Variants in AMOTL1 observed in about 807,000 individuals in gnomAD.
AMOTL1 encodes angiomotin-like protein 1.
A neutral mutation model predicts 102.9 loss-of-function variants in AMOTL1; 45 were observed. That is an observed-to-expected ratio of 0.44 (90% confidence interval 0.34 to 0.56). AMOTL1 has a LOEUF of 0.56. AMOTL1 is among the 20% of genes least tolerant of loss of function. The probability of loss-of-function intolerance (pLI) is 0.01; values close to 1 mark genes in which losing one functional copy is unlikely to be tolerated. For synonymous variants in AMOTL1, 481 were observed against 484.7 expected, an observed-to-expected ratio of 0.99 and a Z score of 0.10; for missense variants, 1,114 against 1,225.6, an observed-to-expected ratio of 0.91 and a Z score of 1.36.
chr11:94,763,201 T>G (rs1379641866), intron 3 of AMOTL1, among the ~76,000 whole-genome samples: 1 of 152,144 alleles, frequency 6.6e-6, no homozygotes, highest in Non-Finnish European at 1.5e-5. Context: ...CCCTCCACAT[T>G]GTCCTCCTTT....
chr11:94,859,050 A>G (rs930674664), intron 8 of AMOTL1, among the ~76,000 whole-genome samples: 2 of 152,166 alleles, frequency 1.3e-5, no homozygotes, highest in African/African-American at 2.4e-5. Flanking sequence ...GGCATCTCCC[A>G]CTTCCTTTGC....
chr11:94,862,805 A>G (rs1183252415), intron 9 of AMOTL1, among the ~76,000 whole-genome samples: 2 of 152,230 alleles, frequency 1.3e-5, no homozygotes, highest in Non-Finnish European at 2.9e-5. Flanking sequence ...TTTGTGCACC[A>G]TAGTGTGAAT....
intron 9 of AMOTL1, among the ~76,000 whole-genome samples, chr11:94,861,963 G>A (rs1952782995): frequency 6.6e-6 from 1 of 152,138 alleles, no homozygotes; most frequent in South Asian, 2.1e-4. Flanking sequence ...AGGATTCTAG[G>A]CCCAGCCTTG....
intron 8 of AMOTL1, among the ~76,000 whole-genome samples, chr11:94,856,267 C>A (rs994157844): frequency 2.7e-5 from 4 of 150,936 alleles, no homozygotes; most frequent in Non-Finnish European, 5.9e-5. Flanking sequence ...ATTTTTTTTT[C>A]CTGTAATATT....
intron 4 of AMOTL1, among the ~76,000 whole-genome samples, chr11:94,823,528 C>T (rs1309820934): frequency 1.3e-5 from 2 of 152,076 alleles, no homozygotes; most frequent in Non-Finnish European, 2.9e-5. Context: ...CTCAGCACTT[C>T]TTGGGAAACA....
chr11:94,804,934 A>T (rs557274929), intron 3 of AMOTL1, among the ~76,000 whole-genome samples: 1 of 152,320 alleles, frequency 6.6e-6, no homozygotes, highest in South Asian at 2.1e-4. Context: ...CTTAATCTTT[A>T]CAACTCTAAA....
Position 94,821,764 on chromosome 11 carries a change from C to G in AMOTL1, c.1356C>G (p.Asn452Lys). 1 of 1,614,024 alleles carries G rather than the reference C, an allele frequency of 6.2e-7. No individual in the cohort carries two copies. The highest frequency in any genetic ancestry group is 1.1e-5 in the South Asian group (1 of 91,082). Reference sequence around the variant, plus strand: ...TGGTGGAGATATTAACAGAGGAGAACCGGGTGCTTCACCAGGAACTTCAGG... The same window carrying G: ...TGGTGGAGATATTAACAGAGGAGAAGCGGGTGCTTCACCAGGAACTTCAGG... ...QQMVEILTEENRVLHQELQGY... is the reference protein window; with the variant it reads ...QQMVEILTEEKRVLHQELQGY... Residue 452 changes from asparagine to lysine, a missense_variant, in exon 4 of 13, where the codon AAC (asparagine) becomes AAG (lysine). Transcript: ENST00000433060.
intron 4 of AMOTL1, among the ~76,000 whole-genome samples, chr11:94,828,025 T>C (rs912194949): frequency 6.6e-6 from 1 of 152,138 alleles, no homozygotes; most frequent in African/African-American, 2.4e-5. Flanking sequence ...ACCCAGCCAC[T>C]CTCCTGGCTT....
intron 3 of AMOTL1, among the ~76,000 whole-genome samples, chr11:94,744,609 G>C (rs185988593): frequency 2.0e-5 from 3 of 152,142 alleles, no homozygotes; most frequent in Non-Finnish European, 4.4e-5. Flanking sequence ...AGAATAGGTC[G>C]GTGGGCTGGA....
rs561187927 is a variant in AMOTL1 at position 94,719,329 on chromosome 11, C to T, written c.-50-9592C>T. 1.2e-4 allele frequency among the ~76,000 whole-genome samples: 18 copies of T among 151,890 alleles called. No homozygotes were observed. The South Asian group carries it at 3.3e-3, about 28-fold the overall frequency. The stretch of plus-strand genomic sequence containing the variant: ...AAACCCCGACACTGTTTTCCTTTAT[C>T]GAAAATGTCTAGGCTAGGGTAGGGT... On this transcript the variant is annotated intron_variant, in intron 1 of 4. Coordinates refer to the AMOTL1 transcript ENST00000299004.
intron 6 of AMOTL1, among the ~76,000 whole-genome samples, chr11:94,849,309 T>A (rs2135707351): frequency 6.6e-6 from 1 of 152,346 alleles, no homozygotes; most frequent in Admixed American, 6.5e-5. Context: ...ATAGTCTTAT[T>A]TTTAAAAAAC....
intron 1 of AMOTL1, among the ~76,000 whole-genome samples, chr11:94,790,231 A>G (rs1418791225): frequency 1.3e-5 from 2 of 152,230 alleles, no homozygotes; most frequent in African/African-American, 2.4e-5. Context: ...TATGTCTTAC[A>G]TGCTACATGC....
chr11:94,824,888 A>C (rs984682465), intron 4 of AMOTL1, among the ~76,000 whole-genome samples: 3 of 152,364 alleles, frequency 2.0e-5, no homozygotes, highest in South Asian at 2.1e-4. Flanking sequence ...ATGAATTTTT[A>C]ATTGCAGAAT....
At chr11:94,825,848 C>T (rs1951952386) in intron 4 of AMOTL1, among the ~76,000 whole-genome samples, 1 of 152,222 alleles carries the variant, frequency 6.6e-6, no homozygotes, top group African/African-American at 2.4e-5. Flanking sequence ...TTCAACTTCC[C>T]ATTCCTTAGT....
intron 12 of AMOTL1, among the ~76,000 whole-genome samples, chr11:94,869,849 G>T (rs1257524796): frequency 6.6e-6 from 1 of 152,146 alleles, no homozygotes; most frequent in Non-Finnish European, 1.5e-5. Context: ...TTGCCTTCAG[G>T]GCTCTAACTT....
At chr11:94,763,471 T>G (rs796345594), upstream of AMOTL1, among the ~76,000 whole-genome samples, 1 of 152,052 alleles carries the variant, frequency 6.6e-6, no homozygotes, top group Admixed American at 6.6e-5. Context: ...CACACTAGAG[T>G]TGACCCTTGA....
chr11:94,862,072 G>A (rs1952785598), intron 9 of AMOTL1, among the ~76,000 whole-genome samples: 1 of 152,022 alleles, frequency 6.6e-6, no homozygotes, highest in South Asian at 2.1e-4. Flanking sequence ...TGCCTTATTT[G>A]GAGTCTTGGA....
intron 2 of AMOTL1, among the ~76,000 whole-genome samples, chr11:94,738,793 T>C (rs894803850): frequency 6.6e-6 from 1 of 152,016 alleles, no homozygotes; most frequent in Non-Finnish European, 1.5e-5. Flanking sequence ...GATAAGTAAA[T>C]TATAGATGCT....
At chr11:94,767,812 A>G (rs1363462043), upstream of AMOTL1, among the ~76,000 whole-genome samples, 1 of 152,144 alleles carries the variant, frequency 6.6e-6, no homozygotes, top group Non-Finnish European at 1.5e-5. Flanking sequence ...TTCTGCGAAC[A>G]CATTTAATAT....
Sources: gnomAD v4.1 joint callset for allele counts (sites outside exome capture counted in the v4.1 genomes callset) on GRCh38, gnomAD v4.1.1 for gene constraint, MANE v1.5 for transcripts, NCBI Gene and HGNC (gene_info 2026-07-23, HGNC 2026-07-21) for gene names.